CNTN4: variants seen among roughly 807,000 people sequenced by gnomAD.
CNTN4 encodes the protein contactin-4.
CNTN4 carries 77 observed loss-of-function variants against 122.5 expected under a neutral mutation model. The observed-to-expected ratio is 0.63, with a 90% CI of 0.52 to 0.76. The LOEUF (loss-of-function observed/expected upper bound fraction) is 0.76. CNTN4 is among the 30% of genes least tolerant of loss of function. The pLI, the probability that CNTN4 is intolerant of heterozygous loss-of-function variation, is 0.00. For synonymous variants in CNTN4, 512 were observed against 447.0 expected, an observed-to-expected ratio of 1.15 and a Z score of -1.83; for missense variants, 1,256 against 1,259.1, an observed-to-expected ratio of 1.00 and a Z score of 0.04.
intron 3 of CNTN4, among the ~76,000 whole-genome samples, chr3:2,440,144 A>T (rs1280010942): frequency 3.9e-5 from 6 of 152,138 alleles, no homozygotes; most frequent in African/African-American, 7.2e-5. Context: ...CACTTTTTTT[A>T]AAAAATTATT....
Position 3,038,048 on chromosome 3 carries a change from T to C in CNTN4, c.2092+720T>C, listed in dbSNP as rs1297975415. Among the ~76,000 whole-genome samples, 9 of 152,182 alleles carry C rather than the reference T, an allele frequency of 5.9e-5. No homozygotes were observed. The East Asian group carries it at 1.7e-3, about 29-fold the overall frequency. On this transcript the variant is annotated intron_variant, in intron 18 of 24. Transcript: ENST00000418658. ...AGGAATAATAAGGTCCCTACACAAA[T>C]AGGAGTTCTGACCCTACTCTCAGAA...
Position 2,175,139 on chromosome 3 carries a change from T to C in CNTN4, c.-145+74500T>C, listed in dbSNP as rs78553520. Among the ~76,000 whole-genome samples the C allele has an allele frequency of 3.3e-3, 499 of 152,346 alleles. 2 individuals are homozygous for C. The highest frequency in any genetic ancestry group is 0.011 in the African/African-American group (463 of 41,584). ...ATGTATAAGACATTTATTTAATCTA[T>C]AAAATAAGATCTCTAATGAATGTGT... On this transcript the variant is annotated intron_variant, in intron 2 of 24. Coordinates refer to ENST00000418658, the MANE Select transcript of CNTN4 (RefSeq NM_175607.3).
chr3:2,925,814 C>T (rs1208071225), intron 13 of CNTN4, 35 bp downstream of exon 13: 2 of 1,572,790 alleles, frequency 1.3e-6, no homozygotes, highest in African/African-American at 2.7e-5. Flanking sequence ...ATTTGGTTAA[C>T]CTGTAAAAAT....
Position 2,288,210 on chromosome 3 carries a change from A to G in CNTN4, c.-144-50968A>G, listed in dbSNP as rs117370475. Among the ~76,000 whole-genome samples the G allele has an allele frequency of 5.1e-4, 77 of 152,318 alleles. No individual in the cohort carries two copies. The East Asian group carries it at 0.015, about 29-fold the overall frequency. On this transcript the variant is annotated intron_variant, in intron 2 of 24. Transcript: ENST00000418658. ...CTGAGACTAGGTAATTTACAAGAAA[A>G]GAAGTTTATTTGGTTTACAGTTCTG...
chr3:2,453,405 C>T (rs981049129), intron 3 of CNTN4, among the ~76,000 whole-genome samples: 31 of 152,066 alleles, frequency 2.0e-4, no homozygotes, highest in African/African-American at 6.8e-4. Context: ...GCGAAAATCT[C>T]GAAAAGCAGT....
intron 3 of CNTN4, among the ~76,000 whole-genome samples, chr3:2,448,485 A>G (rs1238799222): frequency 6.6e-6 from 1 of 152,178 alleles, no homozygotes; most frequent in Non-Finnish European, 1.5e-5. Flanking sequence ...CTCAACTCAA[A>G]TGAACTTGAG....
intron 6 of CNTN4, among the ~76,000 whole-genome samples, chr3:2,747,293 C>T (rs1329076636): frequency 6.6e-6 from 1 of 151,434 alleles, no homozygotes; most frequent in Non-Finnish European, 1.5e-5. Flanking sequence ...CCTGTAGTCC[C>T]AGCTGCTCGG....
At chr3:2,794,349 T>G (rs751848793) in intron 6 of CNTN4, among the ~76,000 whole-genome samples, 2 of 152,226 alleles carry the variant, frequency 1.3e-5, no homozygotes, top group Non-Finnish European at 2.9e-5. Flanking sequence ...GTTCACATCT[T>G]AGTTTTCTAA....
At chr3:2,637,856 G>A (rs568272094) in intron 4 of CNTN4, among the ~76,000 whole-genome samples, 1 of 152,134 alleles carries the variant, frequency 6.6e-6, no homozygotes, top group South Asian at 2.1e-4. Context: ...CGCTTCCCTT[G>A]ATTGACTCTT....
At chr3:2,779,759 A>G (rs955341) in intron 6 of CNTN4, among the ~76,000 whole-genome samples, 12,773 of 152,266 alleles carry the variant, frequency 0.084, 599 homozygotes, top group East Asian at 0.12. Flanking sequence ...AGTATCTAGA[A>G]GCCATACAAT....
chr3:2,600,946 G>T (rs959565633), intron 4 of CNTN4, among the ~76,000 whole-genome samples: 4 of 152,084 alleles, frequency 2.6e-5, no homozygotes, highest in African/African-American at 9.7e-5. Flanking sequence ...TTTCTCTGAT[G>T]GCCAGTGATG....
intron 2 of CNTN4, among the ~76,000 whole-genome samples, chr3:2,325,908 T>C (rs77802622): frequency 0.012 from 1,768 of 152,284 alleles, 44 homozygotes; most frequent in African/African-American, 0.04. Flanking sequence ...AAAGTGATAC[T>C]TATCCTATAA....
At chr3:2,612,029 A>G (rs2081513773) in intron 4 of CNTN4, among the ~76,000 whole-genome samples, 2 of 151,582 alleles carry the variant, frequency 1.3e-5, no homozygotes, top group South Asian at 4.2e-4. Context: ...TAACATTTTA[A>G]TGGGTAAAAA....
chr3:2,518,435 A>T (rs1450715302), intron 3 of CNTN4, among the ~76,000 whole-genome samples: 4 of 152,178 alleles, frequency 2.6e-5, no homozygotes, highest in African/African-American at 9.6e-5. Context: ...GATGTTGTAC[A>T]TGACAGTCTT....
At chr3:2,404,749 T>C (rs1418312283) in intron 3 of CNTN4, among the ~76,000 whole-genome samples, 1 of 152,200 alleles carries the variant, frequency 6.6e-6, no homozygotes, top group Non-Finnish European at 1.5e-5. Context: ...ATGGGAACCT[T>C]TGAGGGACAG....
intron 13 of CNTN4, among the ~76,000 whole-genome samples, chr3:2,977,123 A>C (rs1470305986): frequency 1.3e-5 from 2 of 152,138 alleles, no homozygotes; most frequent in Non-Finnish European, 2.9e-5. Flanking sequence ...CTACATTGTG[A>C]CTATTTCTTG....
rs768368654 is a variant in CNTN4 at position 2,902,961 on chromosome 3, A to G, written c.1163A>G (p.Asn388Ser). 12 of 1,613,824 alleles carry G rather than the reference A, an allele frequency of 7.4e-6. No homozygotes were observed. Among genetic ancestry groups the G allele is most frequent in the Non-Finnish European group, 9.3e-6 (11 of 1,179,904 alleles). Residue 388 changes from asparagine (N) to serine (S), a missense_variant, in exon 12 of 25, where the codon AAT becomes AGT. Asn to Ser is a conservative substitution (Grantham distance 46). Coordinates refer to ENST00000418658, the MANE Select transcript of CNTN4 (RefSeq NM_175607.3). ...GGCATGTATCAGTGTTTGGCAGAGA[A>G]TAAACATGGAGTTATCTTTTCCAAC... is the stretch of plus-strand genomic sequence containing the variant. ...DAGMYQCLAE[N>S]KHGVIFSNAE...
At chr3:2,171,637 A>G (rs1179659412) in intron 2 of CNTN4, among the ~76,000 whole-genome samples, 1 of 152,238 alleles carries the variant, frequency 6.6e-6, no homozygotes, top group Non-Finnish European at 1.5e-5. Flanking sequence ...AGCCAAACCA[A>G]TTCTTAGAGA....
chr3:2,738,622 C>G lies in CNTN4; in HGVS notation c.182+2281C>G, dbSNP rs2089280206. Among the ~76,000 whole-genome samples the G allele has an allele frequency of 2.0e-5, 3 of 152,128 alleles. No individual in the cohort carries two copies. In the South Asian group the frequency reaches 6.2e-4, roughly 32 times the overall value. On this transcript the variant is annotated intron_variant, in intron 5 of 24. Coordinates refer to ENST00000418658, the MANE Select transcript of CNTN4 (RefSeq NM_175607.3). ...ATAAAAATAATAAAAAGAATACTGT[C>G]TTGTGAAGATAAAAAGAAAAGTTAA...
Sources: gnomAD v4.1 joint callset for allele counts (sites outside exome capture counted in the v4.1 genomes callset) on GRCh38, gnomAD v4.1.1 for gene constraint, MANE v1.5 for transcripts, NCBI Gene and HGNC (gene_info 2026-07-23, HGNC 2026-07-21) for gene names.